FSIP1: variants seen among roughly 807,000 people sequenced by gnomAD.
The protein encoded by FSIP1 is fibrous sheath interacting protein 1, also known as fibrous sheath-interacting protein 1.
Under a neutral mutation model 60.9 loss-of-function variants are expected in FSIP1, and 65 were observed. The observed-to-expected ratio is 1.07, with a 90% CI of 0.87 to 1.31. FSIP1 has a LOEUF of 1.31. Ranked by LOEUF, FSIP1 falls within the 40% of genes most tolerant of loss-of-function variation. The pLI, the probability that FSIP1 is intolerant of heterozygous loss-of-function variation, is 0.00. For missense variants in FSIP1, 675 were observed against 665.5 expected, an observed-to-expected ratio of 1.01 and a Z score of -0.16; for synonymous variants, 209 against 221.2, an observed-to-expected ratio of 0.94 and a Z score of 0.49.
intron 9 of FSIP1, among the ~76,000 whole-genome samples, chr15:39,721,012 G>A (rs777767126): frequency 3.3e-5 from 5 of 152,188 alleles, no homozygotes; most frequent in East Asian, 1.9e-4. Context: ...AATCAGATAC[G>A]TAAAAGCCAA....
chr15:39,617,820 T>A lies in FSIP1; in HGVS notation c.1614A>T (p.Leu538Phe). 1 of 1,614,116 alleles carries A rather than the reference T, an allele frequency of 6.2e-7. No homozygotes were observed. The highest frequency in any genetic ancestry group is 1.3e-5 in the African/African-American group (1 of 75,058). Residue 538 changes from leucine to phenylalanine, a missense_variant, in exon 11 of 12, where the codon TTA (leucine) becomes TTT (phenylalanine). Coordinates refer to ENST00000350221, the MANE Select transcript of FSIP1 (RefSeq NM_152597.5). ...CACTGATACCATACAGTGGATCATCTAAGAAGGAGGGCCTTTTCAGTCTCC... is the reference window on the plus strand; with the variant it reads ...CACTGATACCATACAGTGGATCATCAAAGAAGGAGGGCCTTTTCAGTCTCC... ...GIGRLKRPSF[L>F]DDPLYGISVS...
At chr15:39,724,015 T>C (rs886449995) in intron 9 of FSIP1, among the ~76,000 whole-genome samples, 6 of 152,372 alleles carry the variant, frequency 3.9e-5, no homozygotes, top group African/African-American at 1.4e-4. Flanking sequence ...AAATTATTTC[T>C]TTTTAACAAC....
chr15:39,646,097 G>C (rs546209357), intron 10 of FSIP1, among the ~76,000 whole-genome samples: 111 of 152,204 alleles, frequency 7.3e-4, no homozygotes, highest in Non-Finnish European at 5.3e-4. Context: ...TAAGGACGAA[G>C]AGGGCAGAGA....
chr15:39,705,368 C>T lies in FSIP1; in HGVS notation c.1188+8076G>A, dbSNP rs544128420. Among the ~76,000 whole-genome samples the T allele has an allele frequency of 2.0e-5, 3 of 152,082 alleles. 1 individual carries two copies. Among genetic ancestry groups the T allele is most frequent in the African/African-American group, 7.2e-5 (3 of 41,516 alleles). ...TTATTGTCACAGTGGAACACTCACA[C>T]CTCTGAAAAATGAGACAAATCATGA... On this transcript the variant is annotated intron_variant, in intron 10 of 11. Transcript: ENST00000350221.
chr15:39,647,405 C>CA (rs984759790), intron 10 of FSIP1, among the ~76,000 whole-genome samples: 2 of 150,500 alleles, frequency 1.3e-5, no homozygotes, highest in Non-Finnish European at 3.0e-5. Context: ...TTTTGGTGGT[C>CA]AAAAAAAAGA....
At chr15:39,707,451 G>C (rs1405346447) in intron 10 of FSIP1, among the ~76,000 whole-genome samples, 2 of 151,912 alleles carry the variant, frequency 1.3e-5, no homozygotes, top group Non-Finnish European at 2.9e-5. Flanking sequence ...CTCTCATCCT[G>C]CCTTTCTTGG....
chr15:39,772,910 C>T (rs563820396), intron 2 of FSIP1, among the ~76,000 whole-genome samples: 19 of 152,098 alleles, frequency 1.2e-4, no homozygotes, highest in African/African-American at 4.6e-4. Context: ...TTTTTCATGG[C>T]TCCACTTCCC....
At chr15:39,704,241 T>C (rs941904093) in intron 10 of FSIP1, among the ~76,000 whole-genome samples, 12 of 152,222 alleles carry the variant, frequency 7.9e-5, no homozygotes, top group African/African-American at 2.7e-4. Flanking sequence ...TTCTAAAACC[T>C]GTTACAAGTG....
At chr15:39,757,575 TTTTTTG>T (rs1897338798) in intron 5 of FSIP1, among the ~76,000 whole-genome samples, 3 of 152,140 alleles carry the variant, frequency 2.0e-5, no homozygotes, top group Admixed American at 2.0e-4. Context: ...TGCTAACTAC[TTTTTTG>T]TTTTTAAGAA....
intron 11 of FSIP1, among the ~76,000 whole-genome samples, chr15:39,609,580 C>T (rs1359742480): frequency 6.6e-6 from 1 of 152,218 alleles, no homozygotes. Context: ...TTGCTTAAGG[C>T]TTCCCTGAGG....
intron 3 of FSIP1, among the ~76,000 whole-genome samples, chr15:39,767,470 G>A (rs1897730963): frequency 6.6e-6 from 1 of 152,214 alleles, no homozygotes; most frequent in Non-Finnish European, 1.5e-5. Context: ...GAAAGGTAGA[G>A]TCCCTGGCGA....
chr15:39,746,026 C>T (rs1465703236), intron 5 of FSIP1, among the ~76,000 whole-genome samples: 1 of 152,060 alleles, frequency 6.6e-6, no homozygotes, highest in Admixed American at 6.5e-5. Flanking sequence ...TGGCAGCGAG[C>T]AGTGATCATG....
chr15:39,629,080 G>A (rs951207283), intron 10 of FSIP1, among the ~76,000 whole-genome samples: 4 of 152,170 alleles, frequency 2.6e-5, no homozygotes, highest in Non-Finnish European at 5.9e-5. Flanking sequence ...TACTTTCCAA[G>A]TTCAACTGGC....
At chr15:39,711,660 C>T (rs1020098446) in intron 10 of FSIP1, among the ~76,000 whole-genome samples, 1 of 150,922 alleles carries the variant, frequency 6.6e-6, no homozygotes, top group African/African-American at 2.4e-5. Context: ...CTTACACTTC[C>T]CTACCATTCC....
chr15:39,614,154 A>G (rs1030459502), intron 11 of FSIP1, among the ~76,000 whole-genome samples: 1 of 152,194 alleles, frequency 6.6e-6, no homozygotes, highest in Non-Finnish European at 1.5e-5. Context: ...TTTGCTGATG[A>G]CATGATCTTG....
chr15:39,703,524 A>G (rs1895145154), intron 10 of FSIP1, among the ~76,000 whole-genome samples: 1 of 152,240 alleles, frequency 6.6e-6, no homozygotes, highest in Non-Finnish European at 1.5e-5. Context: ...TAATATATTT[A>G]TAAATTGATT....
chr15:39,730,410 T>C (rs561797684), intron 8 of FSIP1, among the ~76,000 whole-genome samples: 1 of 152,170 alleles, frequency 6.6e-6, no homozygotes, highest in Non-Finnish European at 1.5e-5. Flanking sequence ...GAAGCATTAC[T>C]GCAAAAAGAG....
chr15:39,717,143 G>A (rs1403655269), intron 9 of FSIP1, among the ~76,000 whole-genome samples: 8 of 152,030 alleles, frequency 5.3e-5, no homozygotes, highest in African/African-American at 1.7e-4. Context: ...AATGTTTGTC[G>A]ATCATGTGAT....
chr15:39,718,715 T>C (rs1895844619), intron 9 of FSIP1, among the ~76,000 whole-genome samples: 1 of 152,134 alleles, frequency 6.6e-6, no homozygotes, highest in African/African-American at 2.4e-5. Context: ...CGGGCTGATT[T>C]TGAACTCCTG....
Sources: allele counts gnomAD v4.1 joint callset (sites outside exome capture counted in the v4.1 genomes callset), GRCh38; gene constraint gnomAD v4.1.1; transcripts MANE v1.5; gene names NCBI Gene and HGNC (gene_info 2026-07-23, HGNC 2026-07-21).